The following EPHA5 variants were observed in gnomAD, a reference collection of about 807,000 sequenced individuals.
EPHA5 encodes EPH receptor A5.
A neutral mutation model predicts 105.0 loss-of-function variants in EPHA5; 60 were observed. That is an observed-to-expected ratio of 0.57 (90% CI 0.46 to 0.71). The LOEUF (loss-of-function observed/expected upper bound fraction) is 0.71. EPHA5 is among the 30% of genes least tolerant of loss of function. EPHA5 has a pLI of 0.00. For synonymous variants in EPHA5, 513 were observed against 449.1 expected (o/e 1.14, Z -1.80); for missense variants, 1,218 against 1,274.7 (o/e 0.96, Z 0.68).
intron 11 of EPHA5, among the ~76,000 whole-genome samples, chr4:65,359,496 C>A (rs1717056361): frequency 1.3e-5 from 2 of 151,586 alleles, no homozygotes; most frequent in South Asian, 4.1e-4. Flanking sequence ...CACAACTGAA[C>A]TACTGATTAC....
chr4:65,443,723 G>T (rs560556742), intron 5 of EPHA5, among the ~76,000 whole-genome samples: 1 of 152,064 alleles, frequency 6.6e-6, no homozygotes, highest in African/African-American at 2.4e-5. Context: ...TTTCCCCTCC[G>T]CACTCCATCT....
In EPHA5 at chr4:65,365,310, C is replaced by A. The variant is rs910999670; in HGVS notation, c.1988-108G>T. 13 of 804,878 alleles carry A rather than the reference C, an allele frequency of 1.6e-5. No homozygotes were observed. The African/African-American group carries it at 1.9e-4, about 12-fold the overall frequency. The allele number at this position is 804,878 out of a possible 1,614,324, so 49.9% of individuals were successfully genotyped here. ...AGGCTTAGATGAAAAAACAAACAAA[C>A]AAACAAACAAACAAACAAACAAAAA... is the stretch of plus-strand genomic sequence containing the variant. On this transcript the variant is annotated intron_variant, in intron 10 of 16. Coordinates refer to ENST00000613740, the MANE Select transcript of EPHA5 (RefSeq NM_001281766.3).
At chr4:65,643,816 C>G (rs1747879897) in intron 1 of EPHA5, among the ~76,000 whole-genome samples, 1 of 151,892 alleles carries the variant, frequency 6.6e-6, no homozygotes, top group African/African-American at 2.4e-5. Flanking sequence ...AAAATTGGAG[C>G]TAAATGTATT....
At chr4:65,558,579 C>T (rs1007363803) in intron 3 of EPHA5, among the ~76,000 whole-genome samples, 2 of 151,944 alleles carry the variant, frequency 1.3e-5, no homozygotes, top group Non-Finnish European at 2.9e-5. Context: ...TTTTAGGGTA[C>T]ATGTGCACAA....
At position 65,397,460 on chromosome 4, in the gene EPHA5, G is replaced by C. The variant is rs114257676; in HGVS notation, c.1793+6914C>G. Among the ~76,000 whole-genome samples, 549 of 152,098 alleles carry C rather than the reference G, an allele frequency of 3.6e-3. 2 individuals are homozygous for C. Among genetic ancestry groups the C allele is most frequent in the African/African-American group, 0.013 (535 of 41,504 alleles). ...TTTTTGTCAAGGACTCCTTAATCCTGAACTCCCAAGGGATTATCTACCCCC... is the reference window on the plus strand; with the variant it reads ...TTTTTGTCAAGGACTCCTTAATCCTCAACTCCCAAGGGATTATCTACCCCC... On this transcript the variant is annotated intron_variant, in intron 8 of 16. Coordinates refer to ENST00000613740, the MANE Select transcript of EPHA5 (RefSeq NM_001281766.3).
intron 3 of EPHA5, among the ~76,000 whole-genome samples, chr4:65,598,877 A>G (rs560984711): frequency 6.6e-5 from 10 of 152,118 alleles, no homozygotes; most frequent in Non-Finnish European, 1.3e-4. Flanking sequence ...GAGACATGAA[A>G]GATAACTGGA....
At chr4:65,486,718 T>C (rs1395698381) in intron 5 of EPHA5, among the ~76,000 whole-genome samples, 3 of 152,246 alleles carry the variant, frequency 2.0e-5, no homozygotes, top group Non-Finnish European at 2.9e-5. Context: ...GCAATTTGGG[T>C]ACTTAAAAAG....
At chr4:65,336,597 A>G (rs2148815346) in intron 14 of EPHA5, among the ~76,000 whole-genome samples, 1 of 152,256 alleles carries the variant, frequency 6.6e-6, no homozygotes, top group Non-Finnish European at 1.5e-5. Context: ...TCGATGGTAA[A>G]TGATGGATAA....
chr4:65,503,724 T>TACAAATATA (rs1325242191), intron 3 of EPHA5, among the ~76,000 whole-genome samples: 1 of 151,814 alleles, frequency 6.6e-6, no homozygotes, highest in African/African-American at 2.4e-5. Context: ...ACATGGAATA[T>TACAAATATA]ACAAATATAA....
chr4:65,633,950 G>C (rs575391547), intron 2 of EPHA5, among the ~76,000 whole-genome samples: 1 of 152,046 alleles, frequency 6.6e-6, no homozygotes, highest in East Asian at 1.9e-4. Context: ...ACCTGTACAC[G>C]TTGTAATCTG....
chr4:65,357,674 A>G (rs1280581865), intron 11 of EPHA5, among the ~76,000 whole-genome samples: 1 of 151,412 alleles, frequency 6.6e-6, no homozygotes, highest in East Asian at 1.9e-4. Context: ...CTGTGGGAAC[A>G]GGGAAGTGGA....
chr4:65,436,571 A>G (rs549328837), intron 5 of EPHA5, among the ~76,000 whole-genome samples: 10 of 152,146 alleles, frequency 6.6e-5, no homozygotes, highest in South Asian at 2.1e-4. Context: ...TTGGTACCAC[A>G]TGCACATGAA....
Position 65,323,480 on chromosome 4 carries a change from C to T in EPHA5, c.*634G>A, listed in dbSNP as rs1041198901. On this transcript the variant is annotated 3_prime_UTR_variant, in exon 17 of 17. Transcript: ENST00000613740. ...TACCTAATAATCTCTAGAAGAGCAA[C>T]TAAAAGTAAACTTTATAACACAAAA... 2.6e-5 allele frequency: 6 copies of T among 230,030 alleles called. No homozygotes were observed. Among genetic ancestry groups the T allele is most frequent in the South Asian group, 3.6e-4 (2 of 5,510 alleles). The allele number at this position is 230,030 out of a possible 1,614,324, so 14.2% of individuals were successfully genotyped here.
chr4:65,661,149 A>T (rs780852815), intron 1 of EPHA5, among the ~76,000 whole-genome samples: 13 of 152,194 alleles, frequency 8.5e-5, no homozygotes, highest in Non-Finnish European at 1.8e-4. Flanking sequence ...AAATAAATAT[A>T]TAAGGGCCAA....
chr4:65,634,098 G>A (rs1003841995), intron 2 of EPHA5, among the ~76,000 whole-genome samples: 2 of 151,962 alleles, frequency 1.3e-5, no homozygotes, highest in East Asian at 3.9e-4. Flanking sequence ...CTAAAGGGTA[G>A]GACATTTAGC....
chr4:65,331,948 A>G, intron 16 of EPHA5, 25 bp downstream of exon 16: 1 of 1,573,820 alleles, frequency 6.4e-7, no homozygotes, highest in South Asian at 1.1e-5. Flanking sequence ...GCAATTATGT[A>G]AAAATTATCA....
intron 3 of EPHA5, among the ~76,000 whole-genome samples, chr4:65,556,033 C>T (rs71612730): frequency 0.031 from 4,684 of 152,032 alleles, 103 homozygotes; most frequent in African/African-American, 0.049. Flanking sequence ...AAGAATATTC[C>T]GATGCTGATG....
At position 65,482,853 on chromosome 4, in the gene EPHA5, A is replaced by T. The variant is rs541337673; in HGVS notation, c.1402+7524T>A. 9.7e-3 allele frequency among the ~76,000 whole-genome samples: 520 copies of T among 53,400 alleles called. 2 individuals carry two copies. Among genetic ancestry groups the T allele is most frequent in the African/African-American group, 0.029 (490 of 16,914 alleles). 35.0% of individuals were successfully genotyped at this position (53,400 alleles called of 152,430 possible). On this transcript the variant is annotated intron_variant, in intron 5 of 16. Coordinates refer to ENST00000613740, the MANE Select transcript of EPHA5 (RefSeq NM_001281766.3). Reference sequence around the variant, plus strand: ...ACCATTTCTTTTCCTTTTTTTTTTTAGAGGATCTTTTTTTTTTATTATTAT... The same window carrying T: ...ACCATTTCTTTTCCTTTTTTTTTTTTGAGGATCTTTTTTTTTTATTATTAT...
Position 65,332,048 on chromosome 4 carries a change from T to C in EPHA5, c.2870A>G (p.Lys957Arg). Residue 957 changes from lysine to arginine, a missense_variant, in exon 16 of 17, where the codon AAG becomes AGG. By Grantham distance (26) the Lys-to-Arg change is conservative. Around this residue, in one of 3 missense-constraint regions of EPHA5, gnomAD observed 971 missense variants for 1,013.5 expected, o/e 0.96. Transcript: ENST00000613740. ...RSVGEWLEAI[K>R]MGRYTEIFME... ...GAAAATCTCTGTATACCGGCCCATCTTGATTGCCTCTAGCCATTCACCTAC... is the reference window on the plus strand; with the variant it reads ...GAAAATCTCTGTATACCGGCCCATCCTGATTGCCTCTAGCCATTCACCTAC... 6.2e-7 allele frequency: 1 copy of C among 1,611,954 alleles called. No homozygotes were observed. Among genetic ancestry groups the C allele is most frequent in the South Asian group, 1.1e-5 (1 of 91,004 alleles).
Sources: allele counts gnomAD v4.1 joint callset (sites outside exome capture counted in the v4.1 genomes callset), GRCh38; gene constraint gnomAD v4.1.1; regional missense constraint gnomAD v4.1.1; transcripts MANE v1.5; gene names NCBI Gene and HGNC (gene_info 2026-07-23, HGNC 2026-07-21).